DOCK4: variants seen among roughly 807,000 people sequenced by gnomAD.
The protein encoded by DOCK4 is dedicator of cytokinesis 4.
Under a neutral mutation model 268.1 loss-of-function variants are expected in DOCK4, and 97 were observed. The ratio of observed to expected loss-of-function variants is 0.36; its 90% CI spans 0.31 to 0.43. DOCK4 has a LOEUF of 0.43. Among genes scored for constraint, DOCK4 ranks in the 20% least tolerant of loss-of-function variants. The probability of loss-of-function intolerance (pLI) is 1.00; values close to 1 mark genes in which losing one functional copy is unlikely to be tolerated. For missense variants in DOCK4, 2,145 were observed against 2,455.7 expected, an observed-to-expected ratio of 0.87 and a Z score of 2.67; for synonymous variants, 954 against 887.2, an observed-to-expected ratio of 1.08 and a Z score of -1.34.
rs79255802 is a variant in DOCK4, at chr7:111,983,420, C to A, written c.549+886G>T. 7.2e-3 allele frequency among the ~76,000 whole-genome samples: 1,093 copies of A among 152,194 alleles called. 21 individuals carry two copies. Among genetic ancestry groups the A allele is most frequent in the African/African-American group, 0.025 (1,030 of 41,532 alleles). ...CTTCTTGGAACTTTATGGTAAGAAG[C>A]AGCAGTAATGAGATCAAAGTTCAAT... On this transcript the variant is annotated intron_variant, in intron 7 of 52. Transcript: ENST00000428084.
At chr7:112,030,010 T>C (rs745704709) in intron 1 of DOCK4, among the ~76,000 whole-genome samples, 2 of 152,206 alleles carry the variant, frequency 1.3e-5, no homozygotes, top group Admixed American at 1.3e-4. Context: ...AGCAGCTCCA[T>C]AGGAGAACCA....
intron 1 of DOCK4, among the ~76,000 whole-genome samples, chr7:112,137,561 C>A (rs1177703929): frequency 6.6e-6 from 1 of 152,166 alleles, no homozygotes; most frequent in East Asian, 1.9e-4. Flanking sequence ...TGCATTATAA[C>A]TTTAATAGGC....
intron 9 of DOCK4, among the ~76,000 whole-genome samples, chr7:111,945,437 C>T (rs1006707441): frequency 8.5e-5 from 13 of 152,156 alleles, no homozygotes; most frequent in African/African-American, 2.4e-4. Context: ...CCACCCGCCT[C>T]GGCCTCCCAA....
intron 8 of DOCK4, among the ~76,000 whole-genome samples, chr7:111,973,917 A>G (rs1394836552): frequency 6.6e-6 from 1 of 152,232 alleles, no homozygotes; most frequent in East Asian, 1.9e-4. Flanking sequence ...ACACTCACAA[A>G]TAAGAAGAAA....
At chr7:111,978,408 T>C (rs1488730945) in intron 7 of DOCK4, among the ~76,000 whole-genome samples, 1 of 152,126 alleles carries the variant, frequency 6.6e-6, no homozygotes, top group East Asian at 1.9e-4. Flanking sequence ...ATTTTCATAC[T>C]TTTTGTAGAG....
At chr7:111,745,506 C>A (rs1487856997) in intron 44 of DOCK4, among the ~76,000 whole-genome samples, 2 of 151,466 alleles carry the variant, frequency 1.3e-5, no homozygotes, top group South Asian at 4.2e-4. Context: ...CACAGTGAAA[C>A]CCCGTCTCTA....
intron 12 of DOCK4, among the ~76,000 whole-genome samples, chr7:111,927,467 G>A (rs1382229324): frequency 6.6e-6 from 1 of 152,200 alleles, no homozygotes; most frequent in Non-Finnish European, 1.5e-5. Flanking sequence ...ATGAAAGCTG[G>A]AGAGGGGCTT....
chr7:111,751,226 G>A (rs1039023523), intron 42 of DOCK4, among the ~76,000 whole-genome samples: 3 of 152,264 alleles, frequency 2.0e-5, no homozygotes. Context: ...ACAGGTGACA[G>A]AGAAACATGT....
At chr7:111,761,296 G>A (rs191934537) in intron 39 of DOCK4, among the ~76,000 whole-genome samples, 1 of 152,264 alleles carries the variant, frequency 6.6e-6, no homozygotes, top group Non-Finnish European at 1.5e-5. Flanking sequence ...CTGGCCTCAG[G>A]TGATCTGCCT....
intron 1 of DOCK4, among the ~76,000 whole-genome samples, chr7:112,159,369 G>A (rs1376329449): frequency 6.6e-6 from 1 of 152,014 alleles, no homozygotes; most frequent in African/African-American, 2.4e-5. Flanking sequence ...GCTCCCTGGT[G>A]CGTGTCCACC....
At chr7:111,768,272 CAG>C (rs150302793) in intron 37 of DOCK4, among the ~76,000 whole-genome samples, 3 of 152,228 alleles carry the variant, frequency 2.0e-5, no homozygotes, top group South Asian at 2.1e-4. Context: ...TAAATGAATT[CAG>C]AGAGTTTGCA....
intron 39 of DOCK4, 127 bp downstream of exon 39, chr7:111,764,991 T>C: frequency 2.1e-6 from 1 of 471,114 alleles, no homozygotes; most frequent in Non-Finnish European, 3.7e-6. Context: ...GTCTGCAAAG[T>C]AAAAGTTTAA....
At chr7:111,810,596 G>GA (rs1176374417) in intron 28 of DOCK4, among the ~76,000 whole-genome samples, 4 of 151,894 alleles carry the variant, frequency 2.6e-5, no homozygotes, top group Admixed American at 6.6e-5. Flanking sequence ...TTATCTGTCA[G>GA]AAAAAAAATC....
chr7:112,108,653 G>A (rs531361238), intron 1 of DOCK4, among the ~76,000 whole-genome samples: 59 of 152,202 alleles, frequency 3.9e-4, no homozygotes, highest in African/African-American at 1.4e-3. Flanking sequence ...AAAGAACATT[G>A]ACCAAACACA....
At chr7:111,955,681 G>A (rs1056617835) in intron 8 of DOCK4, among the ~76,000 whole-genome samples, 2 of 151,916 alleles carry the variant, frequency 1.3e-5, no homozygotes. Flanking sequence ...TTTTTAGGAA[G>A]GTAAAATTCA....
At chr7:111,777,110 C>A (rs766121785) in intron 36 of DOCK4, among the ~76,000 whole-genome samples, 5 of 152,170 alleles carry the variant, frequency 3.3e-5, no homozygotes, top group African/African-American at 1.2e-4. Flanking sequence ...TGAGCCACCA[C>A]GTCTGGCCTT....
intron 8 of DOCK4, chr7:111,976,491 T>C (rs1321884187): frequency 6.6e-6 from 1 of 151,358 alleles, no homozygotes; most frequent in East Asian, 1.9e-4. Context: ...AAAACAAATA[T>C]TAAAAATTTT....
At chr7:111,971,875 G>A (rs991185421) in intron 8 of DOCK4, 3 of 245,890 alleles carry the variant, frequency 1.2e-5, no homozygotes, top group African/African-American at 4.7e-5. Context: ...TTTTGGGCTG[G>A]ATGTACTGTC....
rs143763807 is a variant in DOCK4 at position 112,006,608 on chromosome 7, G to T, written c.38-2477C>A. Among the ~76,000 whole-genome samples the T allele has an allele frequency of 4.2e-3, 635 of 152,324 alleles. 6 individuals carry two copies. Among genetic ancestry groups the T allele is most frequent in the African/African-American group, 0.015 (610 of 41,574 alleles). On this transcript the variant is annotated intron_variant, in intron 1 of 52. Coordinates refer to ENST00000428084, the MANE Select transcript of DOCK4 (RefSeq NM_001363540.2). ...AGTTCCCTAATCTCATTGGCCTTCA[G>T]ATGGTTCCTCTATAAAACAAAGGAG...
Sources: gnomAD v4.1 joint callset for allele counts (sites outside exome capture counted in the v4.1 genomes callset) on GRCh38, gnomAD v4.1.1 for gene constraint, MANE v1.5 for transcripts, NCBI Gene and HGNC (gene_info 2026-07-23, HGNC 2026-07-21) for gene names.